STARD13: variants seen among roughly 807,000 people sequenced by gnomAD.
The protein encoded by STARD13 is stAR-related lipid transfer protein 13.
A neutral mutation model predicts 106.4 loss-of-function variants in STARD13; 62 were observed. The ratio of observed to expected loss-of-function variants is 0.58; its 90% CI spans 0.48 to 0.72. The LOEUF (loss-of-function observed/expected upper bound fraction) is 0.72, where lower values mean the gene tolerates loss of function less well. Ranked by LOEUF, STARD13 falls within the 30% of genes least tolerant of loss-of-function variation. STARD13 has a pLI of 0.00. For missense variants in STARD13, 1,387 were observed against 1,424.0 expected, an observed-to-expected ratio of 0.97 and a Z score of 0.42; for synonymous variants, 565 against 553.0, an observed-to-expected ratio of 1.02 and a Z score of -0.31.
At chr13:33,347,141 A>G (rs182110665), downstream of STARD13, among the ~76,000 whole-genome samples, 407 of 152,360 alleles carry the variant, frequency 2.7e-3, 1 homozygote, top group African/African-American at 9.2e-3. Context: ...ATTCATATAC[A>G]GTTATACACC....
the STARD13 span, among the ~76,000 whole-genome samples, chr13:33,467,686 T>C: frequency 6.6e-6 from 1 of 152,162 alleles, no homozygotes. Flanking sequence ...GTCCATAGGA[T>C]GAGAGAGCTA....
the STARD13 span, among the ~76,000 whole-genome samples, chr13:33,598,142 T>G: frequency 6.6e-6 from 1 of 152,220 alleles, no homozygotes; most frequent in South Asian, 2.1e-4. Context: ...CCTTTTTTGC[T>G]AAGCCAGTAG....
intron 1 of STARD13, among the ~76,000 whole-genome samples, chr13:33,248,580 C>T (rs1889946071): frequency 6.6e-6 from 1 of 152,314 alleles, no homozygotes; most frequent in Middle Eastern, 3.4e-3. Flanking sequence ...GTGACTCCCA[C>T]TCCACACTGC....
At chr13:33,360,643 G>T in the STARD13 span, among the ~76,000 whole-genome samples, 2 of 142,816 alleles carry the variant, frequency 1.4e-5, no homozygotes, top group Non-Finnish European at 3.1e-5. Context: ...TTTTCCTTCT[G>T]TGTAGACAGA....
At chr13:33,498,846 C>T in the STARD13 span, among the ~76,000 whole-genome samples, 13 of 152,216 alleles carry the variant, frequency 8.5e-5, no homozygotes, top group African/African-American at 3.1e-4. Context: ...GAAATAGTCT[C>T]AAATTCTTCC....
intron 3 of STARD13, among the ~76,000 whole-genome samples, chr13:33,147,359 CA>C (rs1315565919): frequency 6.6e-6 from 1 of 152,134 alleles, no homozygotes; most frequent in Non-Finnish European, 1.5e-5. Flanking sequence ...ATGATCTGCA[CA>C]AGCAGGAAAT....
chr13:33,671,938 C>T, the STARD13 span, among the ~76,000 whole-genome samples: 1 of 152,136 alleles, frequency 6.6e-6, no homozygotes. Flanking sequence ...ATTAGTTCAA[C>T]CATTGTGGAA....
At chr13:33,168,378 C>T (rs189817994) in intron 1 of STARD13, among the ~76,000 whole-genome samples, 9 of 152,232 alleles carry the variant, frequency 5.9e-5, no homozygotes, top group African/African-American at 1.9e-4. Flanking sequence ...GATGCACCAA[C>T]AGCCCACCGG....
intron 1 of STARD13, among the ~76,000 whole-genome samples, chr13:33,265,284 T>C (rs1294630325): frequency 6.6e-6 from 1 of 151,976 alleles, no homozygotes. Flanking sequence ...CTGAGGCAAA[T>C]ATGTGCAATT....
the STARD13 span, among the ~76,000 whole-genome samples, chr13:33,669,614 CA>C: frequency 6.8e-6 from 1 of 147,862 alleles, no homozygotes; most frequent in Non-Finnish European, 1.5e-5. Context: ...CAGCTCACTG[CA>C]ACCTCTGCCG....
chr13:33,218,777 C>G (rs937922716), intron 1 of STARD13, among the ~76,000 whole-genome samples: 8 of 152,160 alleles, frequency 5.3e-5, no homozygotes, highest in African/African-American at 1.7e-4. Context: ...CTGTGAAGAA[C>G]AGATAGTAGT....
At chr13:33,254,633 G>A (rs375910058) in intron 1 of STARD13, among the ~76,000 whole-genome samples, 47 of 152,216 alleles carry the variant, frequency 3.1e-4, no homozygotes, top group Middle Eastern at 3.4e-3. Context: ...TATAAATCCC[G>A]AAACCCAGGC....
chr13:33,525,326 A>G, the STARD13 span, among the ~76,000 whole-genome samples: 16 of 152,188 alleles, frequency 1.1e-4, no homozygotes, highest in Middle Eastern at 3.4e-3. Flanking sequence ...CCTGCCTCCA[A>G]ATGTGTTTTT....
chr13:33,630,656 G>C, the STARD13 span, among the ~76,000 whole-genome samples: 6 of 152,150 alleles, frequency 3.9e-5, no homozygotes, highest in Non-Finnish European at 7.4e-5. Flanking sequence ...TGAAGAGGAA[G>C]AATTTTTGTA....
the STARD13 span, among the ~76,000 whole-genome samples, chr13:33,675,770 G>A: frequency 8.5e-5 from 13 of 152,102 alleles, no homozygotes; most frequent in African/African-American, 2.9e-4. Context: ...TATCATCTAC[G>A]TCTTCTCTTT....
chr13:33,511,756 A>C, the STARD13 span, among the ~76,000 whole-genome samples: 21 of 152,272 alleles, frequency 1.4e-4, no homozygotes, highest in Admixed American at 1.2e-3. Flanking sequence ...AATGGATATC[A>C]AAAAGTTCCG....
the STARD13 span, among the ~76,000 whole-genome samples, chr13:33,382,554 G>A: frequency 2.0e-5 from 3 of 152,108 alleles, no homozygotes; most frequent in African/African-American, 7.2e-5. Flanking sequence ...GATTCTGCTC[G>A]ATATTGCATT....
chr13:33,219,813 CAAAAAA>C (rs71196513), intron 1 of STARD13, among the ~76,000 whole-genome samples: 5 of 116,706 alleles, frequency 4.3e-5, no homozygotes, highest in African/African-American at 1.6e-4. Flanking sequence ...TAAAAACAAA[CAAAAAA>C]AAAAAAAGAA....
At chr13:33,375,305 C>T in the STARD13 span, among the ~76,000 whole-genome samples, 1 of 152,060 alleles carries the variant, frequency 6.6e-6, no homozygotes, top group African/African-American at 2.4e-5. Flanking sequence ...AGTGCAAAGG[C>T]AGATGTGTGT....
Sources: allele counts gnomAD v4.1 joint callset (sites outside exome capture counted in the v4.1 genomes callset), GRCh38; gene constraint gnomAD v4.1.1; transcripts MANE v1.5; gene names NCBI Gene and HGNC (gene_info 2026-07-23, HGNC 2026-07-21).